The following WDPCP variants were observed in gnomAD, a reference collection of about 807,000 sequenced individuals.
The protein encoded by WDPCP is WD repeat containing planar cell polarity effector.
Under a neutral mutation model 93.1 loss-of-function variants are expected in WDPCP, and 71 were observed. The observed-to-expected ratio is 0.76, with a 90% CI of 0.63 to 0.93. WDPCP has a LOEUF of 0.93. Ranked by LOEUF, WDPCP falls within the 40% of genes least tolerant of loss-of-function variation. The pLI is 0.00. For synonymous variants in WDPCP, 315 were observed against 315.0 expected (o/e 1.00, Z 0.00); for missense variants, 844 against 887.4 (o/e 0.95, Z 0.62).
chr2:63,834,926 C>G, the WDPCP span, among the ~76,000 whole-genome samples: 2 of 152,100 alleles, frequency 1.3e-5, no homozygotes, highest in East Asian at 3.8e-4. Flanking sequence ...TCTGACTGAT[C>G]CAACAATGCA....
At chr2:63,427,091 A>G (rs1184957340) in intron 9 of WDPCP, among the ~76,000 whole-genome samples, 1 of 152,232 alleles carries the variant, frequency 6.6e-6, no homozygotes, top group Non-Finnish European at 1.5e-5. Context: ...CATTCATAAA[A>G]CAAATTCTTC....
intron 14 of WDPCP, among the ~76,000 whole-genome samples, chr2:63,218,281 G>T (rs1278498696): frequency 3.9e-5 from 6 of 152,032 alleles, no homozygotes; most frequent in Admixed American, 3.9e-4. Context: ...TTTTACAAAT[G>T]AATATATATT....
chr2:63,752,445 T>C lies in WDPCP; in HGVS notation n.308+61177A>G, dbSNP rs1669897831. 3 of 769,594 alleles carry C rather than the reference T, an allele frequency of 3.9e-6. No homozygotes were observed. The East Asian group carries it at 7.4e-5, about 19-fold the overall frequency. 47.7% of individuals were successfully genotyped at this position (769,594 alleles called of 1,614,324 possible). On this transcript the variant is annotated intron_variant and non_coding_transcript_variant, in intron 2 of 4. Transcript: ENST00000467687. ...TTCGTGGCTGCATCCACCTCCTCCA[T>C]AGTGGCATAGGTGACAAACCCAAAG... is the stretch of plus-strand genomic sequence containing the variant.
At chr2:63,740,969 A>G (rs1669703922) in intron 2 of WDPCP, among the ~76,000 whole-genome samples, 1 of 152,096 alleles carries the variant, frequency 6.6e-6, no homozygotes, top group African/African-American at 2.4e-5. Flanking sequence ...CTATTTTGTG[A>G]AATTCTGTCC....
intron 3 of WDPCP, among the ~76,000 whole-genome samples, chr2:63,625,311 T>C (rs1256921124): frequency 1.3e-5 from 2 of 151,748 alleles, no homozygotes; most frequent in East Asian, 3.9e-4. Context: ...ATTCAACATA[T>C]TGGAAGTTCT....
At chr2:63,534,638 A>C (rs1335980296) in intron 1 of WDPCP, among the ~76,000 whole-genome samples, 1 of 152,214 alleles carries the variant, frequency 6.6e-6, no homozygotes, top group Non-Finnish European at 1.5e-5. Flanking sequence ...GATGCAGAAA[A>C]GGCCTCTGAC....
chr2:63,429,268 C>G (rs1417072098), intron 9 of WDPCP, among the ~76,000 whole-genome samples: 2 of 152,132 alleles, frequency 1.3e-5, no homozygotes, highest in African/African-American at 4.8e-5. Flanking sequence ...AAACACCCTT[C>G]TCAATATCAG....
intron 2 of WDPCP, among the ~76,000 whole-genome samples, chr2:63,739,259 T>TAA (rs1669682148): frequency 6.6e-6 from 1 of 152,146 alleles, no homozygotes; most frequent in African/African-American, 2.4e-5. Flanking sequence ...CTCCCACTTA[T>TAA]AAGTAAGAAC....
intron 14 of WDPCP, chr2:63,229,747 T>A (rs1204404027): frequency 1.3e-5 from 2 of 151,974 alleles, no homozygotes; most frequent in Admixed American, 1.3e-4. Flanking sequence ...TAGTTGTAGA[T>A]ATGCGGCATT....
chr2:63,122,140 C>T (rs886584056), intron 17 of WDPCP, 84 bp from the exon 18 acceptor site: 1 of 1,144,122 alleles, frequency 8.7e-7, no homozygotes, highest in East Asian at 2.4e-5. Flanking sequence ...TTTTTAAGTA[C>T]TGAAAAATAG....
intron 12 of WDPCP, among the ~76,000 whole-genome samples, chr2:63,376,472 A>G (rs1691862754): frequency 1.3e-5 from 2 of 151,964 alleles, no homozygotes; most frequent in South Asian, 4.1e-4. Context: ...CAGGATGGTT[A>G]CAAATATGAT....
chr2:63,215,254 A>C (rs1322582099), intron 14 of WDPCP, among the ~76,000 whole-genome samples: 1 of 152,056 alleles, frequency 6.6e-6, no homozygotes, highest in Non-Finnish European at 1.5e-5. Flanking sequence ...CAAAACAGAG[A>C]TATAGACCAA....
chr2:63,622,957 A>G (rs940354000), intron 3 of WDPCP: 42 of 777,704 alleles, frequency 5.4e-5, no homozygotes, highest in Middle Eastern at 3.6e-4. Flanking sequence ...CTCAGTCACC[A>G]CCGCACGGCG....
intron 1 of WDPCP, among the ~76,000 whole-genome samples, chr2:63,505,080 G>A (rs1701785659): frequency 6.6e-6 from 1 of 151,864 alleles, no homozygotes; most frequent in Non-Finnish European, 1.5e-5. Flanking sequence ...CAGCCCCTTA[G>A]TCTTTATGAC....
intron 10 of WDPCP, among the ~76,000 whole-genome samples, chr2:63,388,261 G>A (rs1276341104): frequency 6.6e-6 from 1 of 152,116 alleles, no homozygotes; most frequent in South Asian, 2.1e-4. Context: ...AGCAAACAGG[G>A]TCTGGAGTGG....
At chr2:63,622,089 G>GTT in intron 3 of WDPCP, 2 of 549,142 alleles carry the variant, frequency 3.6e-6, no homozygotes, top group Admixed American at 7.9e-5. Context: ...TTTTTTGGAA[G>GTT]TTGATTTTTA....
intron 14 of WDPCP, among the ~76,000 whole-genome samples, chr2:63,194,080 T>A (rs1675237158): frequency 6.6e-6 from 1 of 152,196 alleles, no homozygotes; most frequent in South Asian, 2.1e-4. Context: ...TCCCTATAAA[T>A]TATGGAATTA....
In WDPCP at chr2:63,404,140, AC is replaced by A. The variant is rs749464972; in HGVS notation, c.1342del (p.Val448LeufsTer31). 11 of 1,614,026 alleles carry A rather than the reference AC, an allele frequency of 6.8e-6. No homozygotes were observed. In the South Asian group the frequency reaches 1.2e-4, roughly 18 times the overall value. ...ACTACCTTCACCCTTCTGAGAAACA[AC>A]CTGAGGAGCTATCCATTGCATTTGA... ...LVQMQWIAPQ[V>X]VSQKGEGSDI... is the part of the protein sequence containing the mutation. On this transcript the variant is annotated frameshift_variant, in exon 10 of 18. Coordinates refer to ENST00000272321, the MANE Select transcript of WDPCP (RefSeq NM_015910.7). LOFTEE classifies it high-confidence loss of function.
At chr2:63,490,936 T>C (rs1575517350) in intron 2 of WDPCP, among the ~76,000 whole-genome samples, 1 of 152,264 alleles carries the variant, frequency 6.6e-6, no homozygotes, top group East Asian at 1.9e-4. Flanking sequence ...AACCTAGTTA[T>C]ATGAGAATAA....
Sources: gnomAD v4.1 joint callset for allele counts (sites outside exome capture counted in the v4.1 genomes callset) on GRCh38, gnomAD v4.1.1 for gene constraint, MANE v1.5 for transcripts, NCBI Gene and HGNC (gene_info 2026-07-23, HGNC 2026-07-21) for gene names.